Variants in KDM2A observed in about 807,000 individuals in gnomAD.
KDM2A encodes lysine demethylase 2A, also known as lysine-specific demethylase 2A.
Under a neutral mutation model 137.3 loss-of-function variants are expected in KDM2A, and 3 were observed. The ratio of observed to expected loss-of-function variants is 0.02; its 90% CI spans 0.01 to 0.06. The LOEUF (loss-of-function observed/expected upper bound fraction) is 0.06, where lower values mean the gene tolerates loss of function less well. Ranked by LOEUF, KDM2A falls within the 10% of genes least tolerant of loss-of-function variation. KDM2A has a pLI of 1.00. For missense variants in KDM2A, 738 were observed against 1,510.6 expected (o/e 0.49, Z 8.48); for synonymous variants, 512 against 541.5 (o/e 0.95, Z 0.76).
chr11:67,149,459 T>C (rs556052045), intron 2 of KDM2A, among the ~76,000 whole-genome samples: 1 of 152,268 alleles, frequency 6.6e-6, no homozygotes, highest in South Asian at 2.1e-4. Context: ...TTACGCCTTT[T>C]AAATCTGATT....
chr11:67,133,882 C>T (rs1273419495), intron 2 of KDM2A, among the ~76,000 whole-genome samples: 2 of 151,576 alleles, frequency 1.3e-5, no homozygotes, highest in Non-Finnish European at 2.9e-5. Context: ...TTAGTAGAGA[C>T]AGGGTTTCAC....
intron 5 of KDM2A, among the ~76,000 whole-genome samples, chr11:67,201,457 T>C (rs1301422249): frequency 6.6e-6 from 1 of 151,546 alleles, no homozygotes. Flanking sequence ...CTGGGAAACA[T>C]AGTGAGACCA....
rs774779243 is a variant in KDM2A at position 67,250,599 on chromosome 11, G to A, written c.2569G>A (p.Glu857Lys). ...RGDEEGLGGE[E>K]EEEEEEEEED... ...GGATGAGGAGGGGCTGGGGGGAGAG[G>A]AGGAGGAAGAGGAGGAGGAGGAGGA... The change falls in exon 17 of 21, where the codon GAG becomes AAG. Residue 857 changes from glutamate to lysine, a missense_variant. This residue lies in a region of KDM2A where 244 missense variants were observed against 324.6 expected (regional missense o/e 0.75). Coordinates refer to ENST00000529006, the MANE Select transcript of KDM2A (RefSeq NM_012308.3). This position sits in a 1 kb window ranked among gnomAD's most constrained non-coding sequence, Gnocchi z 7.1. The A allele has an allele frequency of 6.2e-7, 1 of 1,612,714 alleles. No individual in the cohort carries two copies. Among genetic ancestry groups the A allele is most frequent in the South Asian group, 1.1e-5 (1 of 91,032 alleles).
intron 2 of KDM2A, among the ~76,000 whole-genome samples, chr11:67,149,479 T>C (rs930287575): frequency 1.3e-5 from 2 of 152,096 alleles, no homozygotes; most frequent in Non-Finnish European, 2.9e-5. Context: ...TTTTTAGTTA[T>C]ATAGATAACA....
chr11:67,224,928 A>G, intron 10 of KDM2A, among the ~76,000 whole-genome samples: 1 of 122,476 alleles, frequency 8.2e-6, no homozygotes, highest in East Asian at 2.6e-4. Context: ...TGCAACCTCC[A>G]CCTCCCAGGT....
chr11:67,217,528 T>G, intron 8 of KDM2A: 1 of 582,320 alleles, frequency 1.7e-6, no homozygotes, highest in East Asian at 3.0e-5. Context: ...GAAGCCTTAA[T>G]GCTGTTGGAT....
chr11:67,131,100 A>C (rs1855844513), intron 2 of KDM2A, among the ~76,000 whole-genome samples: 1 of 152,090 alleles, frequency 6.6e-6, no homozygotes, highest in African/African-American at 2.4e-5. Flanking sequence ...CGAGGCGGGC[A>C]GATTGCCTGA....
rs199579214 is a variant in KDM2A, at chr11:67,122,357, ACT to A, written c.42+1002_42+1003del. Among the ~76,000 whole-genome samples the A allele has an allele frequency of 9.2e-5, 14 of 152,200 alleles. No individual in the cohort carries two copies. In the East Asian group the frequency reaches 2.7e-3, roughly 29 times the overall value. On this transcript the variant is annotated intron_variant, in intron 2 of 20. Transcript: ENST00000529006. ...TTTATTTTTATTGAGATTGAGTCTC[ACT>A]CTGTCGCCCACGCTTGGAGTGCAGT... is the stretch of plus-strand genomic sequence containing the variant.
intron 15 of KDM2A, among the ~76,000 whole-genome samples, chr11:67,247,088 T>TTTTTA (rs1859270425): frequency 1.0e-5 from 1 of 97,732 alleles, no homozygotes; most frequent in Admixed American, 1.1e-4. Context: ...TTTTTTTTTT[T>TTTTTA]TTTTTTTTTT....
At chr11:67,219,152 A>C (rs1858258038) in intron 9 of KDM2A, 136 bp from the exon 10 acceptor site, 2 of 436,360 alleles carry the variant, frequency 4.6e-6, no homozygotes, top group East Asian at 3.6e-5. Context: ...GCTTTGAGAG[A>C]TTAAGTAACT....
chr11:67,153,830 AC>A (rs1327348498), intron 2 of KDM2A, among the ~76,000 whole-genome samples: 6 of 151,626 alleles, frequency 4.0e-5, no homozygotes, highest in East Asian at 3.9e-4. Flanking sequence ...AAAAAAAAAA[AC>A]ACCAAAAACA....
At chr11:67,129,920 A>T (rs1051547145) in intron 2 of KDM2A, among the ~76,000 whole-genome samples, 7 of 151,430 alleles carry the variant, frequency 4.6e-5, no homozygotes, top group East Asian at 3.9e-4. Flanking sequence ...AAAAAAAATT[A>T]AAAAAATTAA....
chr11:67,164,406 CTT>C (rs757837817), intron 2 of KDM2A, among the ~76,000 whole-genome samples: 1 of 152,118 alleles, frequency 6.6e-6, no homozygotes, highest in Non-Finnish European at 1.5e-5. Flanking sequence ...TGATTATTAA[CTT>C]ACATTTTTAG....
In KDM2A at chr11:67,252,677, C is replaced by A. The variant is rs369243029; in HGVS notation, c.2769-17C>A. 5.6e-6 allele frequency: 9 copies of A among 1,613,778 alleles called. No homozygotes were observed. In the African/African-American group the frequency reaches 8.0e-5, roughly 14 times the overall value. On this transcript the variant is annotated splice_polypyrimidine_tract_variant and intron_variant, in intron 17 of 20. Transcript: ENST00000529006. ...GATCAAGTTAATGAAGGCGAGTTCT[C>A]TTCCCTTCTATCACAGGTGCTGCGA... is the stretch of plus-strand genomic sequence containing the variant.
chr11:67,247,159 G>A (rs1281989083), intron 15 of KDM2A, among the ~76,000 whole-genome samples: 2 of 125,700 alleles, frequency 1.6e-5, no homozygotes, highest in Non-Finnish European at 3.1e-5. Context: ...GCGTGACCTC[G>A]TCTCACTGCA....
chr11:67,136,892 T>C (rs1320246820), intron 2 of KDM2A, among the ~76,000 whole-genome samples: 1 of 152,212 alleles, frequency 6.6e-6, no homozygotes, highest in Non-Finnish European at 1.5e-5. Flanking sequence ...AAACAAATAC[T>C]AGTAATGTTA....
At chr11:67,172,051 G>A (rs906365272) in intron 2 of KDM2A, among the ~76,000 whole-genome samples, 2 of 152,254 alleles carry the variant, frequency 1.3e-5, no homozygotes, top group East Asian at 1.9e-4. Context: ...GTTCAGTGGC[G>A]TGAACATGGC....
intron 15 of KDM2A, 49 bp from the exon 16 acceptor site, chr11:67,248,232 A>G (rs763974425): frequency 1.5e-6 from 2 of 1,327,208 alleles, no homozygotes; most frequent in Non-Finnish European, 2.1e-6. Context: ...TTGTTGGATA[A>G]AGGAAGCTTG....
rs560597102 is a variant in KDM2A, at chr11:67,128,200, A to G, written c.42+6842A>G. ...AAATTCTTTCTAGAGACAGGTTTTC[A>G]CTGTGTTGTCCAGGCTGGTCTCGAA... On this transcript the variant is annotated intron_variant, in intron 2 of 20. Coordinates refer to ENST00000529006, the MANE Select transcript of KDM2A (RefSeq NM_012308.3). 1.6e-3 allele frequency among the ~76,000 whole-genome samples: 243 copies of G among 151,100 alleles called. 3 individuals are homozygous for G. Among genetic ancestry groups the G allele is most frequent in the Non-Finnish European group, 7.4e-4 (50 of 67,750 alleles).
Sources: gnomAD v4.1 joint callset for allele counts (sites outside exome capture counted in the v4.1 genomes callset) on GRCh38, gnomAD v4.1.1 for gene constraint, gnomAD v4.1.1 regional missense constraint, Gnocchi (gnomAD v3.1) non-coding constraint, MANE v1.5 for transcripts, NCBI Gene and HGNC (gene_info 2026-07-23, HGNC 2026-07-21) for gene names.